CASK: variants seen among roughly 807,000 people sequenced by gnomAD.
The protein encoded by CASK is peripheral plasma membrane protein CASK.
A neutral mutation model predicts 82.9 loss-of-function variants in CASK; 4 were observed. That is an observed-to-expected ratio of 0.05 (90% CI 0.02 to 0.11). The LOEUF is 0.11. Ranked by LOEUF, CASK falls within the 10% of genes least tolerant of loss-of-function variation. CASK has a pLI of 1.00. For missense variants in CASK, 358 were observed against 720.9 expected, an observed-to-expected ratio of 0.50 and a Z score of 5.76; for synonymous variants, 259 against 253.5, an observed-to-expected ratio of 1.02 and a Z score of -0.20.
At position 41,610,018 on chromosome X, in the gene CASK, G is replaced by C. The variant is rs763394656; in HGVS notation, c.1041C>G (p.Val347=). The change falls in exon 12 of 27, where the codon GTC becomes GTG. Residue 347 remains valine (V), a synonymous_variant. Transcript: ENST00000378163. The part of the protein sequence containing the change: ...SSGLLAAERA[V]SQVLDSLEEI... ...CTTCCAGGCTGTCCAGCACCTGTGA[G>C]ACTGCTCCTAAGGGGGACAAACAGA... The C allele has an allele frequency of 2.5e-6, 3 of 1,210,627 alleles. No individual in the cohort carries two copies. In the South Asian group the frequency reaches 5.3e-5, roughly 21 times the overall value.
intron 8 of CASK, among the ~76,000 whole-genome samples, chrX:41,640,243 G>A (rs956629783): frequency 5.5e-5 from 6 of 108,811 alleles, no homozygotes; most frequent in Admixed American, 3.0e-4. Flanking sequence ...TTGCTCTGTC[G>A]CCTAGGCTGG....
At chrX:41,787,065 T>C (rs1008178969) in intron 3 of CASK, 113 bp downstream of exon 3, 5 of 553,278 alleles carry the variant, frequency 9.0e-6, no homozygotes, top group Non-Finnish European at 1.6e-5. Flanking sequence ...TTTAGGTCTT[T>C]CTGAACAGAT....
chrX:41,675,768 C>G (rs1403540172), intron 5 of CASK: 4 of 1,200,917 alleles, frequency 3.3e-6, no homozygotes, highest in Non-Finnish European at 4.5e-6. Flanking sequence ...TAATTTTCCC[C>G]TCCTTCTCCT....
intron 9 of CASK, among the ~76,000 whole-genome samples, chrX:41,628,851 G>A (rs949328858): frequency 3.6e-5 from 4 of 111,941 alleles, no homozygotes; most frequent in African/African-American, 1.3e-4. Flanking sequence ...TTTCCTAAAA[G>A]CTGGGTGGGA....
intron 5 of CASK, among the ~76,000 whole-genome samples, chrX:41,716,597 A>G (rs2068065820): frequency 8.9e-6 from 1 of 111,930 alleles, no homozygotes; most frequent in Non-Finnish European, 1.9e-5. Context: ...TACCTGATGC[A>G]TTGGTCCTAG....
chrX:41,573,884 G>T (rs777170580), intron 15 of CASK, among the ~76,000 whole-genome samples: 11 of 111,703 alleles, frequency 9.8e-5, no homozygotes, highest in Non-Finnish European at 2.1e-4. Context: ...GCAGTTGTCA[G>T]TTTGGGGCTA....
chrX:41,823,432 C>A (rs1274282910), intron 2 of CASK, among the ~76,000 whole-genome samples: 1 of 110,463 alleles, frequency 9.1e-6, no homozygotes, highest in Non-Finnish European at 1.9e-5. Context: ...GCCCCTGCAT[C>A]TATGACTGTT....
chrX:41,879,447 A>G (rs1362852052), intron 1 of CASK, among the ~76,000 whole-genome samples: 1 of 111,693 alleles, frequency 9.0e-6, no homozygotes, highest in African/African-American at 3.3e-5. Context: ...AATATACTAT[A>G]ATAAGTTACA....
intron 5 of CASK, among the ~76,000 whole-genome samples, chrX:41,733,008 AATAT>A (rs1423305595): frequency 9.1e-6 from 1 of 109,773 alleles, no homozygotes; most frequent in Non-Finnish European, 1.9e-5. Context: ...TCTACTAAAA[AATAT>A]ATATATAAAA....
Position 41,922,866 on chromosome X carries a change from G to C in CASK, c.59+64C>G, listed in dbSNP as rs1055144053. 5 of 1,058,181 alleles carry C rather than the reference G, an allele frequency of 4.7e-6. No homozygotes were observed. In the African/African-American group the frequency reaches 7.4e-5, roughly 16 times the overall value. 87.2% of individuals were successfully genotyped at this position (1,058,181 alleles called of 1,213,427 possible). On this transcript the variant is annotated intron_variant, in intron 1 of 26. Transcript: ENST00000378163. ...AGGGGGCAGGCCCCGAGCGGGTGCG[G>C]GAAGACCGGGGCATCACTGAAATGC... is the stretch of plus-strand genomic sequence containing the variant.
intron 1 of CASK, among the ~76,000 whole-genome samples, chrX:41,914,541 G>A (rs1282584441): frequency 1.8e-5 from 2 of 112,227 alleles, no homozygotes; most frequent in African/African-American, 6.5e-5. Context: ...TGAAAGAGGA[G>A]GACAGTACTA....
At chrX:41,696,250 A>G (rs778882293) in intron 5 of CASK, 2 of 1,205,887 alleles carry the variant, frequency 1.7e-6, no homozygotes, top group Non-Finnish European at 2.2e-6. Flanking sequence ...ATGTGTTTCC[A>G]TTACAGAGAT....
chrX:41,522,448 C>T (rs1371679664), intron 26 of CASK: 1 of 111,451 alleles, frequency 9.0e-6, no homozygotes, highest in Non-Finnish European at 1.9e-5. Context: ...AGTTAATCAT[C>T]ACCTTCTAGT....
At chrX:41,543,730 A>G (rs2064978289) in intron 21 of CASK, among the ~76,000 whole-genome samples, 1 of 111,773 alleles carries the variant, frequency 8.9e-6, no homozygotes, top group African/African-American at 3.2e-5. Flanking sequence ...TGAGTCACAT[A>G]TAAGAGTCCA....
chrX:41,899,151 C>G (rs748093939), intron 1 of CASK, among the ~76,000 whole-genome samples: 1 of 111,460 alleles, frequency 9.0e-6, no homozygotes, highest in Non-Finnish European at 1.9e-5. Flanking sequence ...GAATTGACCC[C>G]TTATCATTAT....
At chrX:41,636,700 TA>T in intron 8 of CASK, 39 bp from the exon 9 acceptor site, 2 of 863,559 alleles carry the variant, frequency 2.3e-6, no homozygotes, top group Non-Finnish European at 3.4e-6. Context: ...TATAACCGTT[TA>T]AAAAAGTGCA....
chrX:41,521,886 T>C (rs1002637559), intron 26 of CASK, among the ~76,000 whole-genome samples: 1 of 112,422 alleles, frequency 8.9e-6, no homozygotes, highest in African/African-American at 3.2e-5. Flanking sequence ...GCCTTACACA[T>C]AGTAAGTGCT....
intron 1 of CASK, among the ~76,000 whole-genome samples, chrX:41,889,152 C>T (rs1200235520): frequency 1.0e-5 from 1 of 99,901 alleles, no homozygotes; most frequent in African/African-American, 3.5e-5. Flanking sequence ...AATGCAGTTG[C>T]TATCCTGGAA....
intron 14 of CASK, among the ~76,000 whole-genome samples, chrX:41,580,801 G>A (rs984767841): frequency 8.9e-6 from 1 of 112,145 alleles, no homozygotes; most frequent in African/African-American, 3.2e-5. Context: ...ATGTTAAGAC[G>A]TATGAGTGAG....
Sources: allele counts gnomAD v4.1 joint callset (sites outside exome capture counted in the v4.1 genomes callset), GRCh38; gene constraint gnomAD v4.1.1; transcripts MANE v1.5; gene names NCBI Gene and HGNC (gene_info 2026-07-23, HGNC 2026-07-21).